INPP4B: variants seen among roughly 807,000 people sequenced by gnomAD.
The protein encoded by INPP4B is inositol polyphosphate 4-phosphatase type II.
In INPP4B, 55 loss-of-function variants were observed where a neutral mutation model predicts 122.5. The ratio of observed to expected loss-of-function variants is 0.45; its 90% CI spans 0.36 to 0.56. The LOEUF is 0.56. Among genes scored for constraint, INPP4B ranks in the 20% least tolerant of loss-of-function variants. The pLI is 0.00. For missense variants in INPP4B, 1,000 were observed against 1,097.7 expected (o/e 0.91, Z 1.26); for synonymous variants, 403 against 388.7 (o/e 1.04, Z -0.43).
At chr4:142,192,209 A>C (rs1836167295) in intron 15 of INPP4B, among the ~76,000 whole-genome samples, 1 of 151,580 alleles carries the variant, frequency 6.6e-6, no homozygotes, top group African/African-American at 2.4e-5. Flanking sequence ...TACCTATTAG[A>C]TACTACGCTT....
At chr4:142,762,254 A>C (rs1264086863) in intron 1 of INPP4B, among the ~76,000 whole-genome samples, 3 of 152,146 alleles carry the variant, frequency 2.0e-5, no homozygotes, top group Non-Finnish European at 2.9e-5. Flanking sequence ...ACTGGTTAAT[A>C]CTAGAGTGGA....
At chr4:142,423,780 CA>C (rs1426144387) in intron 5 of INPP4B, 1 of 428,170 alleles carries the variant, frequency 2.3e-6, no homozygotes, top group African/African-American at 2.1e-5. Context: ...AGACCTTCTA[CA>C]AGTGGTGGCT....
intron 7 of INPP4B, among the ~76,000 whole-genome samples, chr4:142,355,326 G>A (rs1396175199): frequency 2.0e-5 from 3 of 151,964 alleles, no homozygotes; most frequent in African/African-American, 4.8e-5. Flanking sequence ...GGACAACAGA[G>A]AGAAATCAGG....
At chr4:142,416,153 T>TA (rs993475013) in intron 5 of INPP4B, among the ~76,000 whole-genome samples, 36 of 151,792 alleles carry the variant, frequency 2.4e-4, no homozygotes, top group African/African-American at 6.5e-4. Context: ...TAAAGTATAA[T>TA]AAAAAAAATA....
chr4:142,165,147 G>A (rs1361032177), intron 16 of INPP4B, among the ~76,000 whole-genome samples: 1 of 151,692 alleles, frequency 6.6e-6, no homozygotes, highest in African/African-American at 2.4e-5. Context: ...AGCCCTTAGA[G>A]TTCAGAAATG....
At chr4:142,512,177 C>T (rs1425288440) in intron 2 of INPP4B, among the ~76,000 whole-genome samples, 2 of 152,066 alleles carry the variant, frequency 1.3e-5, no homozygotes, top group African/African-American at 2.4e-5. Context: ...TAACTTCAGT[C>T]TTCATATCTT....
At chr4:142,593,644 C>A (rs777070901) in intron 2 of INPP4B, among the ~76,000 whole-genome samples, 20 of 152,186 alleles carry the variant, frequency 1.3e-4, no homozygotes, top group Middle Eastern at 6.8e-3. Flanking sequence ...GGACTTTTAG[C>A]CATAATGGGA....
At chr4:142,641,013 G>A (rs1750270861) in intron 2 of INPP4B, among the ~76,000 whole-genome samples, 1 of 152,030 alleles carries the variant, frequency 6.6e-6, no homozygotes, top group South Asian at 2.1e-4. Flanking sequence ...AAAACTGTTT[G>A]GCAATATCTG....
At chr4:142,176,115 TC>T (rs1398945153) in intron 15 of INPP4B, among the ~76,000 whole-genome samples, 2 of 62,402 alleles carry the variant, frequency 3.2e-5, no homozygotes, top group African/African-American at 9.5e-5. Context: ...ATGACTGCTT[TC>T]TTTTATTATT....
At chr4:142,529,316 G>A (rs1243943741) in intron 2 of INPP4B, among the ~76,000 whole-genome samples, 1 of 152,032 alleles carries the variant, frequency 6.6e-6, no homozygotes. Context: ...ATCAGAAAAT[G>A]ATATTAAAAT....
chr4:142,524,882 G>C (rs1370717670), intron 2 of INPP4B, among the ~76,000 whole-genome samples: 2 of 151,908 alleles, frequency 1.3e-5, no homozygotes, highest in African/African-American at 2.4e-5. Context: ...TGGAAGTTCT[G>C]GCCAGGGCAA....
At chr4:142,385,563 A>C (rs905398441) in intron 7 of INPP4B, among the ~76,000 whole-genome samples, 1 of 152,160 alleles carries the variant, frequency 6.6e-6, no homozygotes, top group Non-Finnish European at 1.5e-5. Flanking sequence ...TGGAAAAGAG[A>C]AAACTAATCC....
chr4:142,782,065 C>T (rs1206340620), intron 1 of INPP4B, among the ~76,000 whole-genome samples: 3 of 151,520 alleles, frequency 2.0e-5, no homozygotes, highest in African/African-American at 7.3e-5. Flanking sequence ...ATGTGCCATG[C>T]TGGTGTGCTG....
intron 2 of INPP4B, among the ~76,000 whole-genome samples, chr4:142,482,339 G>T (rs2149741863): frequency 6.6e-6 from 1 of 152,056 alleles, no homozygotes; most frequent in Non-Finnish European, 1.5e-5. Context: ...TATCTGTCTG[G>T]GTAGATAAGT....
chr4:142,775,254 ATTC>A (rs1773679857), intron 1 of INPP4B, among the ~76,000 whole-genome samples: 1 of 151,148 alleles, frequency 6.6e-6, no homozygotes, highest in Non-Finnish European at 1.5e-5. Context: ...TCCTCCATGC[ATTC>A]TTCTTTACTG....
At chr4:142,402,570 C>G (rs1453173323) in intron 7 of INPP4B, among the ~76,000 whole-genome samples, 4 of 152,168 alleles carry the variant, frequency 2.6e-5, no homozygotes, top group African/African-American at 7.2e-5. Flanking sequence ...AAGTAGAGCA[C>G]TTTGTCAATC....
chr4:142,791,431 T>C (rs1156801849), intron 1 of INPP4B, among the ~76,000 whole-genome samples: 1 of 152,146 alleles, frequency 6.6e-6, no homozygotes, highest in Non-Finnish European at 1.5e-5. Context: ...CATTGTCTAC[T>C]GCTCAAACAT....
At chr4:142,530,012 G>A (rs528597340) in intron 2 of INPP4B, among the ~76,000 whole-genome samples, 1 of 152,118 alleles carries the variant, frequency 6.6e-6, no homozygotes, top group African/African-American at 2.4e-5. Flanking sequence ...ATAGGAACAT[G>A]CAGGGGGCAG....
intron 2 of INPP4B, among the ~76,000 whole-genome samples, chr4:142,529,068 A>C (rs1023227022): frequency 1.3e-5 from 2 of 152,142 alleles, no homozygotes; most frequent in African/African-American, 2.4e-5. Flanking sequence ...CGATGTCGCA[A>C]AATGAAATGT....
Sources: gnomAD v4.1 joint callset for allele counts (sites outside exome capture counted in the v4.1 genomes callset) on GRCh38, gnomAD v4.1.1 for gene constraint, MANE v1.5 for transcripts, NCBI Gene and HGNC (gene_info 2026-07-23, HGNC 2026-07-21) for gene names.